USP15: variants seen among roughly 807,000 people sequenced by gnomAD.
USP15 encodes ubiquitin specific peptidase 15, also known as ubiquitin carboxyl-terminal hydrolase 15.
In USP15, 18 loss-of-function variants were observed where a neutral mutation model predicts 127.1. That is an observed-to-expected ratio of 0.14 (90% CI 0.10 to 0.21). The LOEUF (loss-of-function observed/expected upper bound fraction) is 0.21. Ranked by LOEUF, USP15 falls within the 10% of genes least tolerant of loss-of-function variation. USP15 has a pLI of 1.00. For missense variants in USP15, 805 were observed against 1,159.9 expected (o/e 0.69, Z 4.44); for synonymous variants, 364 against 393.7 (o/e 0.92, Z 0.89).
intron 8 of USP15, among the ~76,000 whole-genome samples, chr12:62,369,178 TC>T (rs765389609): frequency 4.9e-4 from 74 of 152,202 alleles, no homozygotes; most frequent in Non-Finnish European, 9.3e-4. Context: ...CAAAGTTCTT[TC>T]TTTGAGTCTA....
At chr12:62,275,838 T>C (rs149895415) in intron 1 of USP15, among the ~76,000 whole-genome samples, 44 of 152,166 alleles carry the variant, frequency 2.9e-4, no homozygotes, top group Admixed American at 1.3e-3. Flanking sequence ...CTGACTGCTT[T>C]GTAAGGTAGG....
In USP15 at chr12:62,369,473, T is replaced by TC. The variant is rs1306505442; in HGVS notation, c.916-12017_916-12016insC. Among the ~76,000 whole-genome samples, 7 of 152,132 alleles carry TC rather than the reference T, an allele frequency of 4.6e-5. 1 individual carries two copies. Among genetic ancestry groups the TC allele is most frequent in the Admixed American group, 4.6e-4 (7 of 15,284 alleles). ...CCTTTATATGCCAACTGGTTTTTTTTTTTCCTGCTACCTGATTTTTTTATT... is the reference window on the plus strand; with the variant it reads ...CCTTTATATGCCAACTGGTTTTTTTTCTTTCCTGCTACCTGATTTTTTTATT... On this transcript the variant is annotated intron_variant, in intron 8 of 21. Coordinates refer to ENST00000280377, the MANE Select transcript of USP15 (RefSeq NM_001252078.2).
chr12:62,307,621 A>G (rs2064524537), intron 3 of USP15, among the ~76,000 whole-genome samples: 1 of 152,088 alleles, frequency 6.6e-6, no homozygotes, highest in South Asian at 2.1e-4. Flanking sequence ...CATGGTCCAA[A>G]AATATTAAGT....
intron 4 of USP15, among the ~76,000 whole-genome samples, chr12:62,317,804 T>C (rs144100399): frequency 1.7e-3 from 265 of 152,318 alleles, no homozygotes; most frequent in Non-Finnish European, 2.9e-3. Context: ...ATAGGCCATA[T>C]CTAAATGATT....
At position 62,345,939 on chromosome 12, in the gene USP15, C is replaced by T. The variant is rs575598719; in HGVS notation, c.684-3282C>T. Among the ~76,000 whole-genome samples the T allele has an allele frequency of 7.2e-5, 11 of 152,260 alleles. No homozygotes were observed. The East Asian group carries it at 2.1e-3, about 29-fold the overall frequency. On this transcript the variant is annotated intron_variant, in intron 6 of 21. Coordinates refer to ENST00000280377, the MANE Select transcript of USP15 (RefSeq NM_001252078.2). ...CCCCCGTGATTCAATCATTTCCCAC[C>T]AGGACCCTCCCACAACACCAGAGGA... is the stretch of plus-strand genomic sequence containing the variant.
chr12:62,301,925 T>C (rs1034823621), intron 2 of USP15, among the ~76,000 whole-genome samples: 6 of 152,240 alleles, frequency 3.9e-5, no homozygotes, highest in African/African-American at 1.4e-4. Flanking sequence ...CTTTCTGCAT[T>C]TTAAAAATTC....
intron 6 of USP15, among the ~76,000 whole-genome samples, chr12:62,326,845 A>G (rs565765114): frequency 2.3e-3 from 350 of 152,276 alleles, no homozygotes; most frequent in Non-Finnish European, 4.2e-3. Flanking sequence ...TAAAACTACA[A>G]TGCCCTCCGG....
chr12:62,335,603 TTTTA>T (rs2065438195), intron 6 of USP15: 1 of 997,704 alleles, frequency 1.0e-6, no homozygotes, highest in Non-Finnish European at 1.2e-6. Flanking sequence ...AGTTTATTAT[TTTTA>T]TTTCTTTTCT....
chr12:62,292,458 G>A (rs2064000467), intron 1 of USP15, among the ~76,000 whole-genome samples: 1 of 152,204 alleles, frequency 6.6e-6, no homozygotes, highest in Non-Finnish European at 1.5e-5. Context: ...GGGCCCAGAG[G>A]CCACTGCCAG....
chr12:62,397,636 AT>A (rs1238493224), intron 20 of USP15, among the ~76,000 whole-genome samples: 5 of 151,674 alleles, frequency 3.3e-5, no homozygotes, highest in African/African-American at 1.2e-4. Flanking sequence ...AGGCGGGTGA[AT>A]CATGAGGCCA....
In USP15 at chr12:62,294,276, G is replaced by A. The variant is rs766502813; in HGVS notation, c.187G>A (p.Gly63Arg). The stretch of plus-strand genomic sequence containing the variant: ...GATGGGAGATCAAAATGTGTATCCT[G>A]GACCCATTGATAACTCTGGACTTCT... The part of the protein sequence containing the change: ...YQMGDQNVYP[G>R]PIDNSGLLKD... Residue 63 changes from glycine (G) to arginine (R), a missense_variant, in exon 2 of 22, where the codon GGA becomes AGA. This residue lies in a region of USP15 where 69 missense variants were observed against 126.4 expected (regional missense o/e 0.55). Coordinates refer to ENST00000280377, the MANE Select transcript of USP15 (RefSeq NM_001252078.2). 9 of 1,612,778 alleles carry A rather than the reference G, an allele frequency of 5.6e-6. No individual in the cohort carries two copies. Among genetic ancestry groups the A allele is most frequent in the Non-Finnish European group, 3.4e-6 (4 of 1,179,558 alleles).
At chr12:62,383,371 A>G (rs1432022806) in intron 9 of USP15, among the ~76,000 whole-genome samples, 4 of 151,958 alleles carry the variant, frequency 2.6e-5, no homozygotes, top group East Asian at 1.9e-4. Context: ...CTCACAGCAA[A>G]CAGTGCTATA....
At chr12:62,267,379 G>C (rs1253909675) in intron 1 of USP15, 1 of 151,848 alleles carries the variant, frequency 6.6e-6, no homozygotes. Context: ...TTGAGGGAAG[G>C]GTCAAAAATG....
chr12:62,360,548 A>G (rs2066282990), intron 8 of USP15, among the ~76,000 whole-genome samples: 1 of 152,124 alleles, frequency 6.6e-6, no homozygotes, highest in Non-Finnish European at 1.5e-5. Flanking sequence ...CATTACTTCA[A>G]CTAGCCTACT....
intron 6 of USP15, among the ~76,000 whole-genome samples, chr12:62,326,384 AAAG>A (rs2065123571): frequency 1.3e-5 from 2 of 152,164 alleles, no homozygotes; most frequent in Admixed American, 1.3e-4. Context: ...AGGGTAAATG[AAAG>A]AAGAATTAGG....
At chr12:62,335,153 C>G (rs1184743708) in intron 6 of USP15, 1 of 1,532,730 alleles carries the variant, frequency 6.5e-7, no homozygotes, top group East Asian at 2.4e-5. Flanking sequence ...ACTTTTTTTT[C>G]TCCTTTTTCT....
intron 2 of USP15, among the ~76,000 whole-genome samples, chr12:62,295,343 T>C (rs1475527024): frequency 2.6e-5 from 4 of 152,204 alleles, no homozygotes; most frequent in African/African-American, 7.2e-5. Context: ...TTTACTTATG[T>C]AATAGGGTGA....
intron 2 of USP15, among the ~76,000 whole-genome samples, chr12:62,301,092 G>C (rs1380464933): frequency 6.6e-6 from 1 of 152,058 alleles, no homozygotes; most frequent in Non-Finnish European, 1.5e-5. Context: ...CACCAAAGAA[G>C]ATATAGGTTT....
Position 62,389,949 on chromosome 12 carries a change from C to T in USP15, c.1805C>T (p.Thr602Ile), listed in dbSNP as rs1254761176. 6.2e-7 allele frequency: 1 copy of T among 1,612,248 alleles called. No individual in the cohort carries two copies. Among genetic ancestry groups the T allele is most frequent in the Non-Finnish European group, 8.5e-7 (1 of 1,179,224 alleles). Residue 602 changes from threonine (T) to isoleucine (I), a missense_variant, in exon 14 of 22, where the codon ACT becomes ATT. By Grantham distance (89) the Thr-to-Ile change is moderately conservative. This residue lies in a region of USP15 where 225 missense variants were observed against 239.5 expected (regional missense o/e 0.94). Transcript: ENST00000280377. ...CTTATGGCTGTACCACGAAACAATA[C>T]TGAAGACAAACTTTATAATCTCCTG... ...PFLMAVPRNN[T>I]EDKLYNLLLL...
Sources: gnomAD v4.1 joint callset for allele counts (sites outside exome capture counted in the v4.1 genomes callset) on GRCh38, gnomAD v4.1.1 for gene constraint, gnomAD v4.1.1 regional missense constraint, MANE v1.5 for transcripts, NCBI Gene and HGNC (gene_info 2026-07-23, HGNC 2026-07-21) for gene names.